SENP1: variants seen among roughly 807,000 people sequenced by gnomAD.
SENP1 encodes SUMO specific peptidase 1.
SENP1 carries 21 observed loss-of-function variants against 93.0 expected under a neutral mutation model. The observed-to-expected ratio is 0.23, with a 90% confidence interval of 0.16 to 0.33. The LOEUF is 0.33. SENP1 is among the 10% of genes least tolerant of loss of function. SENP1 has a pLI of 1.00. For missense variants in SENP1, 591 were observed against 758.7 expected, an observed-to-expected ratio of 0.78 and a Z score of 2.60; for synonymous variants, 256 against 259.6, an observed-to-expected ratio of 0.99 and a Z score of 0.13.
intron 4 of SENP1, among the ~76,000 whole-genome samples, chr12:48,094,299 G>T (rs1430791512): frequency 6.6e-6 from 1 of 152,090 alleles, no homozygotes; most frequent in Non-Finnish European, 1.5e-5. Flanking sequence ...AGAATCGCAT[G>T]AGCCTAGGAG....
chr12:48,074,890 C>T (rs1943957678), intron 6 of SENP1, 97 bp from the exon 7 acceptor site: 6 of 782,324 alleles, frequency 7.7e-6, no homozygotes, highest in South Asian at 6.8e-5. Context: ...TCTGCCAAAG[C>T]TCAGGCAGAA....
At chr12:48,090,261 G>T (rs796075727) in intron 4 of SENP1, among the ~76,000 whole-genome samples, 2 of 152,298 alleles carry the variant, frequency 1.3e-5, no homozygotes, top group African/African-American at 4.8e-5. Flanking sequence ...GTTTAAAGTT[G>T]TAACAGTAGA....
chr12:48,080,262 GTAAC>G (rs776085165), intron 6 of SENP1: 1 of 152,186 alleles, frequency 6.6e-6, no homozygotes, highest in Non-Finnish European at 1.5e-5. Context: ...GTGTCACTGA[GTAAC>G]TAAATTTTCA....
Position 48,044,054 on chromosome 12 carries a change from G to A in SENP1, c.*1268C>T, listed in dbSNP as rs2136707375. On this transcript the variant is annotated 3_prime_UTR_variant, in exon 18 of 18. Coordinates refer to ENST00000549518, the MANE Select transcript of SENP1 (RefSeq NM_001267594.2). ...TAAGCCTGAGGAGCTCTCAGAGGGT[G>A]GGGAGAGATGCTAGAAAGAACAAAA... The A allele has an allele frequency of 6.6e-6, 1 of 152,300 alleles. No homozygotes were observed. Among genetic ancestry groups the A allele is most frequent in the Non-Finnish European group, 1.5e-5 (1 of 67,960 alleles). The allele number at this position is 152,300 out of a possible 1,614,324, so 9.4% of individuals were successfully genotyped here. A position where few individuals can be genotyped will look rare whatever the true frequency, so the allele number is the denominator to read the frequency against.
At chr12:48,074,839 G>T (rs370603627) in intron 6 of SENP1, 46 bp from the exon 7 acceptor site, 34 of 1,248,964 alleles carry the variant, frequency 2.7e-5, no homozygotes, top group Non-Finnish European at 3.5e-5. Flanking sequence ...CATCCAATAA[G>T]GCAAGTATTT....
At chr12:48,082,473 A>G (rs1392800251) in intron 6 of SENP1, among the ~76,000 whole-genome samples, 1 of 152,208 alleles carries the variant, frequency 6.6e-6, no homozygotes, top group African/African-American at 2.4e-5. Flanking sequence ...CCTAATCTGT[A>G]AAACATGACT....
Position 48,065,599 on chromosome 12 carries a change from GTT to G in SENP1, c.1114_1115del (p.Asn372ProfsTer12). ...TTATTCCAATTTTCTTTTTTACCTG[GTT>G]TTGAAGCTGTAAGGCCAATGCCTTC... ...EQKALALQLQ[N>X]QRLQEREHSV... On this transcript the variant is annotated frameshift_variant, in exon 11 of 18. Transcript: ENST00000549518. LOFTEE classifies it high-confidence loss of function. 1.3e-6 allele frequency: 2 copies of G among 1,545,266 alleles called. No homozygotes were observed. Among genetic ancestry groups the G allele is most frequent in the Non-Finnish European group, 1.8e-6 (2 of 1,141,882 alleles).
chr12:48,094,872 T>C (rs1250925314), intron 4 of SENP1, among the ~76,000 whole-genome samples: 2 of 152,164 alleles, frequency 1.3e-5, no homozygotes, highest in Non-Finnish European at 2.9e-5. Flanking sequence ...TGAGTTCAAA[T>C]GGAAATACTG....
intron 2 of SENP1, among the ~76,000 whole-genome samples, chr12:48,100,493 T>C (rs938493133): frequency 6.6e-6 from 1 of 151,170 alleles, no homozygotes; most frequent in Non-Finnish European, 1.5e-5. Flanking sequence ...TAGCCGGACT[T>C]GGCGGCGCAC....
chr12:48,093,280 G>GT (rs374804144), intron 4 of SENP1, among the ~76,000 whole-genome samples: 23,824 of 126,084 alleles, frequency 0.19, 2,396 homozygotes, highest in East Asian at 0.34. Flanking sequence ...TTCAGGTGAG[G>GT]TTTTTTTTTT....
Position 48,074,317 on chromosome 12 carries a change from T to C in SENP1, c.940+7A>G, listed in dbSNP as rs777386373. 14 of 1,605,926 alleles carry C rather than the reference T, an allele frequency of 8.7e-6. No individual in the cohort carries two copies. In the Middle Eastern group the frequency reaches 6.6e-4, roughly 76 times the overall value. On this transcript the variant is annotated splice_region_variant and intron_variant, in intron 8 of 17. Transcript: ENST00000549518. ...CTAAAAATGTAGTTATATGATACCA[T>C]GTTTACCTTCAGATTGTGTATTTGA... is the stretch of plus-strand genomic sequence containing the variant.
intron 15 of SENP1, 89 bp from the exon 16 acceptor site, chr12:48,047,151 CA>C: frequency 1.3e-6 from 1 of 786,202 alleles, no homozygotes; most frequent in Admixed American, 2.2e-5. Context: ...TACCTAGGAA[CA>C]AATTTGTTTC....
chr12:48,072,619 AAAAC>A (rs1350247116), intron 8 of SENP1, among the ~76,000 whole-genome samples: 2 of 152,184 alleles, frequency 1.3e-5, no homozygotes, highest in Admixed American at 6.5e-5. Context: ...CTCAGTCTCA[AAAAC>A]AAACAAAAAC....
Position 48,074,805 on chromosome 12 carries a change from CAAAAA to C in SENP1, c.553-17_553-13del. 8.7e-7 allele frequency: 1 copy of C among 1,144,672 alleles called. No homozygotes were observed. The highest frequency in any genetic ancestry group is 1.2e-6 in the Non-Finnish European group (1 of 837,202). 70.9% of individuals were successfully genotyped at this position (1,144,672 alleles called of 1,614,324 possible). On this transcript the variant is annotated splice_polypyrimidine_tract_variant and intron_variant, in intron 6 of 17. Transcript: ENST00000549518. ...TCTTCTTGAACTGTCTATAAGAAAA[CAAAAA>C]AAAAAAACAGTTTAAACACATCCAA...
At chr12:48,071,083 C>CAAAACA (rs895710489) in intron 9 of SENP1, among the ~76,000 whole-genome samples, 8 of 151,470 alleles carry the variant, frequency 5.3e-5, no homozygotes, top group East Asian at 1.9e-4. Flanking sequence ...GACCCTGTCT[C>CAAAACA]AAAACAAAAA....
chr12:48,060,554 G>C (rs1322835937), intron 13 of SENP1, among the ~76,000 whole-genome samples: 1 of 152,102 alleles, frequency 6.6e-6, no homozygotes, highest in Non-Finnish European at 1.5e-5. Context: ...TTCTACTTTT[G>C]CAACTAATTT....
intron 13 of SENP1, 59 bp downstream of exon 13, chr12:48,063,651 C>G: frequency 6.4e-7 from 1 of 1,550,968 alleles, no homozygotes; most frequent in South Asian, 1.2e-5. Flanking sequence ...GAGATAATGC[C>G]TTAATTTAAC....
intron 3 of SENP1, 56 bp downstream of exon 3, chr12:48,097,938 A>G (rs970759163): frequency 1.3e-6 from 2 of 1,518,690 alleles, no homozygotes; most frequent in African/African-American, 2.8e-5. Flanking sequence ...CATAAGATGA[A>G]AACTTATGAT....
intron 1 of SENP1, among the ~76,000 whole-genome samples, chr12:48,104,392 T>A (rs1946290420): frequency 6.6e-6 from 1 of 151,858 alleles, no homozygotes; most frequent in Non-Finnish European, 1.5e-5. Context: ...GAAATCACCC[T>A]TTTCCAAGTT....
Sources: allele counts gnomAD v4.1 joint callset (sites outside exome capture counted in the v4.1 genomes callset), GRCh38; gene constraint gnomAD v4.1.1; transcripts MANE v1.5; gene names NCBI Gene and HGNC (gene_info 2026-07-23, HGNC 2026-07-21).